Variants in ABHD18 observed in about 807,000 individuals in gnomAD.
ABHD18 encodes the protein abhydrolase domain containing 18.
ABHD18 carries 55 observed loss-of-function variants against 65.9 expected under a neutral mutation model. That is an observed-to-expected ratio of 0.84 (90% CI 0.67 to 1.05). The LOEUF is 1.05. ABHD18 is among the 50% of genes least tolerant of loss of function. ABHD18 has a pLI of 0.00. For missense variants in ABHD18, 533 were observed against 558.5 expected, an observed-to-expected ratio of 0.95 and a Z score of 0.46; for synonymous variants, 181 against 180.2, an observed-to-expected ratio of 1.00 and a Z score of -0.04.
At chr4:128,016,837 G>T (rs1755590842) in intron 7 of ABHD18, among the ~76,000 whole-genome samples, 1 of 152,186 alleles carries the variant, frequency 6.6e-6, no homozygotes, top group Non-Finnish European at 1.5e-5. Context: ...AAGATTATGT[G>T]CTATAGAACA....
At chr4:128,030,894 T>A in intron 12 of ABHD18, 1 of 1,242,880 alleles carries the variant, frequency 8.0e-7, no homozygotes, top group Non-Finnish European at 1.0e-6. Flanking sequence ...ATTATAGGCA[T>A]GCTTTATCGT....
At chr4:127,978,247 G>A (rs1246444541) in intron 1 of ABHD18, among the ~76,000 whole-genome samples, 1 of 151,928 alleles carries the variant, frequency 6.6e-6, no homozygotes, top group African/African-American at 2.4e-5. Flanking sequence ...GTAGGTGTAT[G>A]GATTTATAGA....
chr4:127,989,634 G>T (rs1750588891), intron 3 of ABHD18, 87 bp from the exon 4 acceptor site: 2 of 809,202 alleles, frequency 2.5e-6, no homozygotes, highest in Middle Eastern at 2.8e-4. Flanking sequence ...ATTTTAATTG[G>T]ATAGAACTTT....
chr4:127,977,029 AC>A (rs1351742951), intron 1 of ABHD18, among the ~76,000 whole-genome samples: 4 of 152,052 alleles, frequency 2.6e-5, no homozygotes, highest in Admixed American at 2.6e-4. Context: ...CGACAGAGCG[AC>A]ACTCCATCTC....
Position 128,039,064 on chromosome 4 carries a change from T to A in ABHD18, c.*3251T>A, listed in dbSNP as rs1228773411. ...ACACATATACGTATATGTATACGTT[T>A]TATATATATATACACACACACGTAT... On this transcript the variant is annotated 3_prime_UTR_variant, in exon 13 of 13. Coordinates refer to ENST00000645843, the MANE Select transcript of ABHD18 (RefSeq NM_001358451.3). 6.8e-6 allele frequency: 1 copy of A among 146,206 alleles called. No homozygotes were observed. The highest frequency in any genetic ancestry group is 1.5e-5 in the Non-Finnish European group (1 of 66,914). The allele number at this position is 146,206 out of a possible 1,614,324, so 9.1% of individuals were successfully genotyped here.
rs369691377 is a variant in ABHD18, at chr4:128,020,060, C to T, written c.610-20C>T. ...TGAATAGAAACTCTAAATAGACGCT[C>T]TCTATCTGTTATATTACAGATGGCT... On this transcript the variant is annotated intron_variant, in intron 8 of 12. Coordinates refer to ENST00000645843, the MANE Select transcript of ABHD18 (RefSeq NM_001358451.3). 2 of 1,531,932 alleles carry T rather than the reference C, an allele frequency of 1.3e-6. No homozygotes were observed. The highest frequency in any genetic ancestry group is 1.8e-6 in the Non-Finnish European group (2 of 1,111,720). The allele number at this position is 1,531,932 out of a possible 1,614,324, so 94.9% of individuals were successfully genotyped here. A position where few individuals can be genotyped will look rare whatever the true frequency, so the allele number is the denominator to read the frequency against.
intron 11 of ABHD18, 83 bp downstream of exon 11, chr4:128,028,936 A>C (rs1009693960): frequency 8.8e-7 from 1 of 1,133,504 alleles, no homozygotes; most frequent in African/African-American, 1.6e-5. Context: ...CTATAAGATA[A>C]TTTTATATTT....
chr4:127,994,816 C>G (rs1751477971), intron 4 of ABHD18, among the ~76,000 whole-genome samples: 1 of 151,994 alleles, frequency 6.6e-6, no homozygotes, highest in Admixed American at 6.6e-5. Flanking sequence ...AAATATTTTT[C>G]ACATAATTGG....
At position 128,028,756 on chromosome 4, in the gene ABHD18, A is replaced by G. The variant is rs1481426330; in HGVS notation, c.1083A>G (p.Leu361=). The change falls in exon 11 of 13, where the codon CTA becomes CTG. Residue 361 remains leucine (L), a synonymous_variant. Coordinates refer to ENST00000645843, the MANE Select transcript of ABHD18 (RefSeq NM_001358451.3). The part of the protein sequence containing the change: ...YTSRNPQSYH[L]LSKEQSRNSL... ...GTCGCAACCCTCAGTCATACCACCT[A>G]CTTAGTAAAGAACAAAGCAGAAACA... 6.2e-7 allele frequency: 1 copy of G among 1,613,794 alleles called. No homozygotes were observed. The highest frequency in any genetic ancestry group is 1.7e-5 in the Admixed American group (1 of 59,978).
At position 127,974,950 on chromosome 4, in the gene ABHD18, C is replaced by T. The variant is rs377183208; in HGVS notation, c.-17-7989C>T. ...GGTGGAGGTTGCAGTGAGCCGAGATCGCGCCATTGCACTCCAGCCTAGGCA... is the reference window on the plus strand; with the variant it reads ...GGTGGAGGTTGCAGTGAGCCGAGATTGCGCCATTGCACTCCAGCCTAGGCA... On this transcript the variant is annotated intron_variant, in intron 1 of 12. Coordinates refer to ENST00000645843, the MANE Select transcript of ABHD18 (RefSeq NM_001358451.3). Among the ~76,000 whole-genome samples, 21 of 143,426 alleles carry T rather than the reference C, an allele frequency of 1.5e-4. No individual in the cohort carries two copies. In the East Asian group the frequency reaches 2.7e-3, roughly 19 times the overall value. The allele number at this position is 143,426 out of a possible 152,430, so 94.1% of individuals were successfully genotyped here. A position where few individuals can be genotyped will look rare whatever the true frequency, so the allele number is the denominator to read the frequency against.
intron 8 of ABHD18, among the ~76,000 whole-genome samples, 181 bp from the exon 9 acceptor site, chr4:128,019,899 T>C (rs922407248): frequency 6.6e-6 from 1 of 152,228 alleles, no homozygotes; most frequent in South Asian, 2.1e-4. Context: ...AAGGGGGAAA[T>C]TAAATGTTGA....
intron 1 of ABHD18, among the ~76,000 whole-genome samples, chr4:127,968,478 G>C (rs1219681887): frequency 6.6e-6 from 1 of 152,090 alleles, no homozygotes; most frequent in Non-Finnish European, 1.5e-5. Context: ...TTATGCCTTT[G>C]AGATATGTAT....
rs58225850 is a variant in ABHD18, at chr4:128,028,644, C to T, written c.971C>T (p.Ala324Val). The T allele has an allele frequency of 0.027, 44,130 of 1,613,604 alleles. 2,814 individuals carry two copies. The East Asian group carries it at 0.29, about 11-fold the overall frequency. ...CHNSSKTSVSATSEGLLLQDT... is the reference protein window; with the variant it reads ...CHNSSKTSVSVTSEGLLLQDT... ...AATTCTAGCAAAACATCTGTCAGTGCGACATCAGAAGGACTCTTATTGCAA... is the reference window on the plus strand; with the variant it reads ...AATTCTAGCAAAACATCTGTCAGTGTGACATCAGAAGGACTCTTATTGCAA... The change falls in exon 11 of 13, where the codon GCG (alanine) becomes GTG (valine). Residue 324 changes from alanine to valine, a missense_variant. By Grantham distance (64) the Ala-to-Val change is moderately conservative. Around this residue, in one of 3 missense-constraint regions of ABHD18, gnomAD observed 220 missense variants for 226.8 expected, o/e 0.97. Transcript: ENST00000645843.
At chr4:128,034,517 G>A (rs1205563729) in intron 12 of ABHD18, among the ~76,000 whole-genome samples, 4 of 151,908 alleles carry the variant, frequency 2.6e-5, no homozygotes, top group Non-Finnish European at 4.4e-5. Flanking sequence ...AGGCTGCAGC[G>A]TGCTATGATT....
At position 128,021,165 on chromosome 4, in the gene ABHD18, G is replaced by C. The variant is rs1423321954; in HGVS notation, c.728G>C (p.Arg243Thr). 2.6e-6 allele frequency: 4 copies of C among 1,547,920 alleles called. No individual in the cohort carries two copies. The highest frequency in any genetic ancestry group is 3.5e-6 in the Non-Finnish European group (4 of 1,144,894). Residue 243 changes from arginine (R) to threonine (T), a missense_variant, in exon 10 of 13, where the codon AGG becomes ACG. By Grantham distance (71) the Arg-to-Thr change is moderately conservative. Around this residue, in one of 3 missense-constraint regions of ABHD18, gnomAD observed 309 missense variants for 313.5 expected, o/e 0.99. Transcript: ENST00000645843. ...GTGTTGAGTAAATCAATTAATTGGA[G>C]GGAGCTGGAAAAGCAATATTATACC... Reference protein sequence around the residue: ...TGVLSKSINWRELEKQYYTQT... With the variant: ...TGVLSKSINWTELEKQYYTQT...
intron 4 of ABHD18, among the ~76,000 whole-genome samples, chr4:128,002,400 C>G (rs1752817614): frequency 6.6e-6 from 1 of 151,718 alleles, no homozygotes; most frequent in African/African-American, 2.4e-5. Context: ...CTGCCTCAGT[C>G]TCCCAAGTAG....
At chr4:127,985,398 T>C (rs12645636) in intron 3 of ABHD18, among the ~76,000 whole-genome samples, 84,384 of 151,874 alleles carry the variant, frequency 0.56, 24,684 homozygotes, top group Middle Eastern at 0.8. Context: ...GGATATCTTT[T>C]AGATTTCTCT....
Position 128,028,853 on chromosome 4 carries a change from G to C in ABHD18, c.1180G>C (p.Val394Leu). The C allele has an allele frequency of 6.6e-7, 1 of 1,526,036 alleles. No individual in the cohort carries two copies. The highest frequency in any genetic ancestry group is 1.4e-5 in the African/African-American group (1 of 71,342). The allele number at this position is 1,526,036 out of a possible 1,614,324, so 94.5% of individuals were successfully genotyped here. ...ATGTACTCATGTAGCAAATTTCTCA[G>C]GTACTAATTTTTATATGAAATTGAG... is the stretch of plus-strand genomic sequence containing the variant. Reference protein sequence around the residue: ...DECTHVANFSVPVDPSLIIVV... With the variant: ...DECTHVANFSLPVDPSLIIVV... Residue 394 changes from valine (V) to leucine (L), a missense_variant and splice_region_variant, in exon 11 of 13, where the codon GTC (valine) becomes CTC (leucine). Physicochemically the swap from Val to Leu is conservative, Grantham distance 32. Transcript: ENST00000645843.
intron 4 of ABHD18, among the ~76,000 whole-genome samples, chr4:128,004,053 A>T (rs533536366): frequency 9.2e-5 from 14 of 152,056 alleles, no homozygotes; most frequent in African/African-American, 3.1e-4. Context: ...TATCCCCATG[A>T]TATAATTTTT....
Sources: gnomAD v4.1 joint callset for allele counts (sites outside exome capture counted in the v4.1 genomes callset) on GRCh38, gnomAD v4.1.1 for gene constraint, gnomAD v4.1.1 regional missense constraint, MANE v1.5 for transcripts, NCBI Gene and HGNC (gene_info 2026-07-23, HGNC 2026-07-21) for gene names.